RBP5: variants seen among roughly 807,000 people sequenced by gnomAD.
RBP5 encodes retinol binding protein 5, also known as retinol-binding protein 5.
Under a neutral mutation model 17.8 loss-of-function variants are expected in RBP5, and 12 were observed. That is an observed-to-expected ratio of 0.67 (90% CI 0.43 to 1.09). The LOEUF (loss-of-function observed/expected upper bound fraction) is 1.09. Ranked by LOEUF, RBP5 falls within the 50% of genes least tolerant of loss-of-function variation. The probability of loss-of-function intolerance (pLI) is 0.00; values close to 1 mark genes in which losing one functional copy is unlikely to be tolerated. For missense variants in RBP5, 172 were observed against 169.4 expected, an observed-to-expected ratio of 1.02 and a Z score of -0.09; for synonymous variants, 64 against 68.1, an observed-to-expected ratio of 0.94 and a Z score of 0.30.
In RBP5 at chr12:7,128,105, G is replaced by T. The variant is rs1939204851; in HGVS notation, c.252+135C>A. On this transcript the variant is annotated intron_variant, in intron 2 of 3. Coordinates refer to ENST00000266560, the MANE Select transcript of RBP5 (RefSeq NM_031491.4). This position sits in a 1 kb window ranked among gnomAD's most constrained non-coding sequence, Gnocchi z 5.3. Reference sequence around the variant, plus strand: ...TCTGGAGACTGGTATCCTGGGGACTGCATTCCCTGCTGTGGTGACCATTCC... The same window carrying T: ...TCTGGAGACTGGTATCCTGGGGACTTCATTCCCTGCTGTGGTGACCATTCC... 1 of 720,344 alleles carries T rather than the reference G, an allele frequency of 1.4e-6. No homozygotes were observed. Among genetic ancestry groups the T allele is most frequent in the Non-Finnish European group, 2.3e-6 (1 of 443,984 alleles). 44.6% of individuals were successfully genotyped at this position (720,344 alleles called of 1,614,324 possible).
At chr12:7,129,998 G>T (rs1939248968), upstream of RBP5, 1 of 197,066 alleles carries the variant, frequency 5.1e-6, no homozygotes, top group Non-Finnish European at 9.4e-6. The surrounding 1 kb of genome is among the most constrained non-coding windows in gnomAD (Gnocchi z 5.5). Flanking sequence ...CACGCAGCAC[G>T]GATCTGTGGA....
Position 7,124,628 on chromosome 12 carries a change from C to G in RBP5, c.354+1G>C. 7.7e-7 allele frequency: 1 copy of G among 1,302,702 alleles called. No homozygotes were observed. Among genetic ancestry groups the G allele is most frequent in the Non-Finnish European group, 1.1e-6 (1 of 899,062 alleles). 80.7% of individuals were successfully genotyped at this position (1,302,702 alleles called of 1,614,324 possible). ...AGACACCCAGCCCCCACCCCATTTA[C>G]CAGATACAGCATCTCTCCCTCCAGC... On this transcript the variant is annotated splice_donor_variant, in intron 3 of 3. Coordinates refer to ENST00000266560, the MANE Select transcript of RBP5 (RefSeq NM_031491.4). LOFTEE classifies it high-confidence loss of function. This position sits in a 1 kb window ranked among gnomAD's most constrained non-coding sequence, Gnocchi z 5.3.
downstream of RBP5, chr12:7,122,240 T>G (rs1407361994): frequency 3.3e-5 from 5 of 152,256 alleles, no homozygotes; most frequent in African/African-American, 1.2e-4. Flanking sequence ...CCCTCCCCTC[T>G]GCAGGTCGAG....
chr12:7,125,159 C>T (rs903737400), intron 2 of RBP5, among the ~76,000 whole-genome samples: 1 of 152,110 alleles, frequency 6.6e-6, no homozygotes, highest in African/African-American at 2.4e-5. Flanking sequence ...CGCCCGCCAC[C>T]GCTTCCTAAA....
intron 2 of RBP5, among the ~76,000 whole-genome samples, chr12:7,126,510 G>GT (rs1036767880): frequency 3.7e-4 from 49 of 131,122 alleles, no homozygotes; most frequent in Admixed American, 6.9e-4. Context: ...TGGTGGTGGT[G>GT]GTGTGTGTGT....
In RBP5 at chr12:7,124,215, C is replaced by T. The variant is rs1939123029; in HGVS notation, c.355-41G>A. 3 of 1,594,390 alleles carry T rather than the reference C, an allele frequency of 1.9e-6. No individual in the cohort carries two copies. The highest frequency in any genetic ancestry group is 2.6e-6 in the Non-Finnish European group (3 of 1,162,672). On this transcript the variant is annotated intron_variant, in intron 3 of 3. Transcript: ENST00000266560. This position sits in a 1 kb window ranked among gnomAD's most constrained non-coding sequence, Gnocchi z 5.3. ...AAGTGAGGGGGAGAGAGAAAGAGGG[C>T]GTTTGCCAGCCAGAGCCCCTTTCTC... is the stretch of plus-strand genomic sequence containing the variant.
Position 7,128,147 on chromosome 12 carries a change from C to A in RBP5, c.252+93G>T. 8.5e-7 allele frequency: 1 copy of A among 1,176,308 alleles called. No individual in the cohort carries two copies. 72.9% of individuals were successfully genotyped at this position (1,176,308 alleles called of 1,614,324 possible). On this transcript the variant is annotated intron_variant, in intron 2 of 3. Coordinates refer to ENST00000266560, the MANE Select transcript of RBP5 (RefSeq NM_031491.4). This position sits in a 1 kb window ranked among gnomAD's most constrained non-coding sequence, Gnocchi z 5.3. ...GACCATTCCCCTCCTCCCCGCTGCTCTGGCTGGGGAAGGTCACTTTGTTTT... is the reference window on the plus strand; with the variant it reads ...GACCATTCCCCTCCTCCCCGCTGCTATGGCTGGGGAAGGTCACTTTGTTTT...
At chr12:7,127,835 G>T in intron 2 of RBP5, 1 of 644,036 alleles carries the variant, frequency 1.6e-6, no homozygotes. Context: ...AGGATTAATA[G>T]GAGGACTAGG....
At chr12:7,122,102 ATGTG>A (rs367576071), downstream of RBP5, 6 of 151,626 alleles carry the variant, frequency 4.0e-5, no homozygotes, top group South Asian at 2.1e-4. Context: ...GTGTGTGTGT[ATGTG>A]TGTGTGTGTG....
At chr12:7,116,641 G>C (rs1939008703) in exon 4 of RBP5, 1 of 152,252 alleles carries the variant, frequency 6.6e-6, no homozygotes, top group African/African-American at 2.4e-5. Flanking sequence ...GAAGGGAAAG[G>C]GGGCAGCTGC....
chr12:7,129,797 G>A, upstream of RBP5: 2 of 985,772 alleles, frequency 2.0e-6, no homozygotes, highest in Non-Finnish European at 2.4e-6. The surrounding 1 kb of genome is among the most constrained non-coding windows in gnomAD (Gnocchi z 5.5). Flanking sequence ...GGCAGGACAG[G>A]TAGGCAGGAG....
intron 2 of RBP5, chr12:7,127,501 G>C: frequency 1.7e-6 from 1 of 602,046 alleles, no homozygotes; most frequent in South Asian, 2.0e-5. Flanking sequence ...TCTGTAAATA[G>C]TTGCTATACT....
chr12:7,129,550 A>C, upstream of RBP5: 1 of 923,418 alleles, frequency 1.1e-6, no homozygotes, highest in Non-Finnish European at 1.3e-6. The surrounding 1 kb of genome is among the most constrained non-coding windows in gnomAD (Gnocchi z 5.5). Flanking sequence ...TTGGCTTGGG[A>C]CCCAGGGGGT....
chr12:7,128,881 A>G lies in RBP5; in HGVS notation c.-106T>C. 1.1e-6 allele frequency: 1 copy of G among 908,400 alleles called. No individual in the cohort carries two copies. Among genetic ancestry groups the G allele is most frequent in the South Asian group, 1.4e-5 (1 of 70,630 alleles). The allele number at this position is 908,400 out of a possible 1,614,324, so 56.3% of individuals were successfully genotyped here. ...ATTCCAGCCAGCTCCACACACAGAG[A>G]CAGGATGTGTAATGGCCGGGTTACC... On this transcript the variant is annotated 5_prime_UTR_variant, in exon 1 of 4. Transcript: ENST00000266560. This position sits in a 1 kb window ranked among gnomAD's most constrained non-coding sequence, Gnocchi z 5.3.
At chr12:7,122,843 C>T (rs1939098891), downstream of RBP5, among the ~76,000 whole-genome samples, 1 of 152,140 alleles carries the variant, frequency 6.6e-6, no homozygotes, top group Admixed American at 6.5e-5. Context: ...TAAGATTTTC[C>T]ATTCAACCCT....
Position 7,124,624 on chromosome 12 carries a change from T to C in RBP5, c.354+5A>G. 1.1e-6 allele frequency: 1 copy of C among 930,318 alleles called. No individual in the cohort carries two copies. The highest frequency in any genetic ancestry group is 1.7e-6 in the Non-Finnish European group (1 of 583,598). The allele number at this position is 930,318 out of a possible 1,614,324, so 57.6% of individuals were successfully genotyped here. ...TCCCAGACACCCAGCCCCCACCCCATTTACCAGATACAGCATCTCTCCCTC... is the reference window on the plus strand; with the variant it reads ...TCCCAGACACCCAGCCCCCACCCCACTTACCAGATACAGCATCTCTCCCTC... On this transcript the variant is annotated splice_donor_5th_base_variant and intron_variant, in intron 3 of 3. Coordinates refer to ENST00000266560, the MANE Select transcript of RBP5 (RefSeq NM_031491.4). The surrounding 1 kb of genome is among the most constrained non-coding windows in gnomAD (Gnocchi z 5.3).
chr12:7,127,597 G>A (rs1260828942), intron 2 of RBP5: 30 of 654,376 alleles, frequency 4.6e-5, no homozygotes, highest in Non-Finnish European at 5.6e-6. Context: ...GTTTGCTGAA[G>A]CTGTGGATGC....
downstream of RBP5, chr12:7,121,105 G>A (rs1204338794): frequency 6.6e-6 from 1 of 151,996 alleles, no homozygotes; most frequent in Non-Finnish European, 1.5e-5. Context: ...AGGGGAGGAA[G>A]TGCATCCTGT....
At position 7,128,706 on chromosome 12, in the gene RBP5, G is replaced by A; in HGVS notation, c.70C>T (p.Leu24=). The A allele has an allele frequency of 6.3e-7, 1 of 1,599,130 alleles. No individual in the cohort carries two copies. The highest frequency in any genetic ancestry group is 8.5e-7 in the Non-Finnish European group (1 of 1,172,526). ...QKNMEDYLQA[L]NISLAVRKIA... The stretch of plus-strand genomic sequence containing the variant: ...TCTGGGAGGGCGAGGCCATTACTTA[G>A]GGCTTGCAGGTAGTCCTCCATGTTC... Residue 24 remains leucine (L), a synonymous_variant, in exon 1 of 4, where the codon CTA becomes TTA. Transcript: ENST00000266560. The surrounding 1 kb of genome is among the most constrained non-coding windows in gnomAD (Gnocchi z 5.3).
Sources: allele counts gnomAD v4.1 joint callset (sites outside exome capture counted in the v4.1 genomes callset), GRCh38; gene constraint gnomAD v4.1.1; non-coding constraint Gnocchi (gnomAD v3.1); transcripts MANE v1.5; gene names NCBI Gene and HGNC (gene_info 2026-07-23, HGNC 2026-07-21).